NOC3L: variants seen among roughly 807,000 people sequenced by gnomAD.
NOC3L encodes the protein NOC3 like DNA replication regulator, also known as nucleolar complex protein 3 homolog.
In NOC3L, 85 loss-of-function variants were observed where a neutral mutation model predicts 102.5. The observed-to-expected ratio is 0.83, with a 90% confidence interval of 0.70 to 0.99. The LOEUF is 0.99. Among genes scored for constraint, NOC3L ranks in the 50% least tolerant of loss-of-function variants. NOC3L has a pLI of 0.00. For missense variants in NOC3L, 878 were observed against 914.9 expected (o/e 0.96, Z 0.52); for synonymous variants, 303 against 309.4 (o/e 0.98, Z 0.22).
chr10:94,339,968 T>C, intron 16 of NOC3L, 48 bp from the exon 17 acceptor site: 1 of 1,505,372 alleles, frequency 6.6e-7, no homozygotes, highest in Non-Finnish European at 9.1e-7. Flanking sequence ...TACTTTTTCA[T>C]TACGCAACTG....
the NOC3L span, chr10:94,316,785 G>GT: frequency 1.3e-6 from 2 of 1,501,330 alleles, no homozygotes; most frequent in Non-Finnish European, 1.9e-6. Flanking sequence ...AGCCTACACA[G>GT]TAACGACTCA....
Position 94,344,578 on chromosome 10 carries a change from A to C in NOC3L, c.1471-63T>G, listed in dbSNP as rs1012674622. On this transcript the variant is annotated intron_variant, in intron 12 of 20. Coordinates refer to ENST00000371361, the MANE Select transcript of NOC3L (RefSeq NM_022451.11). ...CTGGTATGCTTTCTCCTGAGTGAGC[A>C]TAAGTATCACTTCAACAGGTTAACT... The C allele has an allele frequency of 4.3e-6, 5 of 1,152,602 alleles. No individual in the cohort carries two copies. The South Asian group carries it at 6.6e-5, about 15-fold the overall frequency. 71.4% of individuals were successfully genotyped at this position (1,152,602 alleles called of 1,614,324 possible). A position where few individuals can be genotyped will look rare whatever the true frequency, so the allele number is the denominator to read the frequency against.
intron 14 of NOC3L, 147 bp downstream of exon 14, chr10:94,341,524 CAT>C (rs1393928001): frequency 2.6e-6 from 1 of 391,508 alleles, no homozygotes. Flanking sequence ...TGGTGGTAAT[CAT>C]ATGATCATAG....
At chr10:94,336,136 T>TA (rs2054214845) in intron 19 of NOC3L, among the ~76,000 whole-genome samples, 1 of 152,176 alleles carries the variant, frequency 6.6e-6, no homozygotes, top group African/African-American at 2.4e-5. Context: ...ATAAATGGGT[T>TA]AAAGTCTTTA....
At chr10:94,328,211 T>C in the NOC3L span, 486 of 313,134 alleles carry the variant, frequency 1.6e-3, 5 homozygotes, top group South Asian at 0.011. Flanking sequence ...CGAATTGACT[T>C]AGAGCAAGGG....
At chr10:94,344,336 C>G (rs971967723) in intron 13 of NOC3L, 79 bp downstream of exon 13, 2 of 826,354 alleles carry the variant, frequency 2.4e-6, no homozygotes, top group Non-Finnish European at 4.0e-6. Context: ...AATGGGCCAT[C>G]ATTAGGGAAC....
chr10:94,316,575 C>A, the NOC3L span: 1 of 1,608,634 alleles, frequency 6.2e-7, no homozygotes, highest in East Asian at 2.2e-5. Context: ...GACATCAAAC[C>A]TGTTACCACA....
At chr10:94,319,048 T>C in the NOC3L span, among the ~76,000 whole-genome samples, 1 of 151,776 alleles carries the variant, frequency 6.6e-6, no homozygotes, top group African/African-American at 2.4e-5. Context: ...ACTTCATCTT[T>C]AAAAACAAAA....
the NOC3L span, chr10:94,315,336 T>C: frequency 2.2e-6 from 1 of 451,494 alleles, no homozygotes; most frequent in African/African-American, 2.0e-5. Flanking sequence ...GAAGGGTGTT[T>C]GCTTAATCCA....
Position 94,362,825 on chromosome 10 carries a change from C to T in NOC3L, c.9+5G>A. 2 of 1,614,110 alleles carry T rather than the reference C, an allele frequency of 1.2e-6. No individual in the cohort carries two copies. Among genetic ancestry groups the T allele is most frequent in the Non-Finnish European group, 1.7e-6 (2 of 1,180,038 alleles). ...CGCGGCGACCGGGCTTTTGAGGACA[C>T]TTACCGCCTTCATCCTTAGGCCTTA... On this transcript the variant is annotated splice_donor_5th_base_variant and intron_variant, in intron 1 of 20. Transcript: ENST00000371361.
Position 94,352,147 on chromosome 10 carries a change from G to A in NOC3L, c.952+163C>T, listed in dbSNP as rs565510841. 1.7e-4 allele frequency among the ~76,000 whole-genome samples: 26 copies of A among 152,252 alleles called. 1 individual carries two copies. The South Asian group carries it at 5.2e-3, about 30-fold the overall frequency. On this transcript the variant is annotated intron_variant, in intron 8 of 20. Transcript: ENST00000371361. ...GACTATGTAATTTTCCCATCACATA[G>A]GTAGTAAGTGGTGGAGCCAGGATTT...
Position 94,334,236 on chromosome 10 carries a change from C to A in NOC3L, c.2344G>T (p.Glu782Ter). The A allele has an allele frequency of 6.2e-7, 1 of 1,611,344 alleles. No homozygotes were observed. The highest frequency in any genetic ancestry group is 1.3e-5 in the African/African-American group (1 of 74,982). ...TCCAGAGGCGATTCAGTAGCAACTT[C>A]ACTGGAGTATCTTTTGATTAGCTGA... ...LNQLIKRYSSEVATESPLDFT... is the reference protein window; with the variant it reads ...LNQLIKRYSS Residue 782 changes from glutamate (E) to a stop codon, truncating the protein, a stop_gained, in exon 21 of 21, where the codon GAA (glutamate) becomes TAA (stop). Transcript: ENST00000371361. LOFTEE classifies it low-confidence loss of function (END_TRUNC).
the NOC3L span, among the ~76,000 whole-genome samples, chr10:94,317,819 C>G: frequency 6.6e-6 from 1 of 151,964 alleles, no homozygotes; most frequent in African/African-American, 2.4e-5. Flanking sequence ...GACAGTCATG[C>G]GTCATGACAT....
intron 19 of NOC3L, 44 bp downstream of exon 19, chr10:94,337,733 A>G: frequency 2.3e-6 from 3 of 1,302,200 alleles, no homozygotes; most frequent in Non-Finnish European, 3.3e-6. Context: ...AGTGGCTATC[A>G]GCTCAATTCT....
chr10:94,338,753 TA>T lies in NOC3L; in HGVS notation c.1963-18del, dbSNP rs759352262. 6 of 1,605,824 alleles carry T rather than the reference TA, an allele frequency of 3.7e-6. No homozygotes were observed. Among genetic ancestry groups the T allele is most frequent in the Admixed American group, 1.7e-5 (1 of 58,606 alleles). On this transcript the variant is annotated intron_variant, in intron 17 of 20. Coordinates refer to ENST00000371361, the MANE Select transcript of NOC3L (RefSeq NM_022451.11). Reference sequence around the variant, plus strand: ...GGGGAAAGTCTGCAAAAATGTCACATAAAAAGAATTGGTTAAATTAACATTG... The same window carrying T: ...GGGGAAAGTCTGCAAAAATGTCACATAAAAGAATTGGTTAAATTAACATTG...
chr10:94,320,255 TC>T, the NOC3L span, among the ~76,000 whole-genome samples: 3 of 151,238 alleles, frequency 2.0e-5, no homozygotes, highest in South Asian at 2.1e-4. Context: ...GCTCATCTCT[TC>T]CCCCCCTTCC....
At chr10:94,331,928 G>C (rs921773468), downstream of NOC3L, 1 of 148,522 alleles carries the variant, frequency 6.7e-6, no homozygotes, top group Non-Finnish European at 1.5e-5. Flanking sequence ...CTGGAGTGCA[G>C]TGGTACGATC....
At chr10:94,356,118 G>A (rs1433528765) in intron 5 of NOC3L, among the ~76,000 whole-genome samples, 1 of 152,140 alleles carries the variant, frequency 6.6e-6, no homozygotes, top group Non-Finnish European at 1.5e-5. Context: ...AATAGAAACT[G>A]ACATTCAATT....
the NOC3L span, among the ~76,000 whole-genome samples, chr10:94,317,210 G>A: frequency 3.9e-5 from 6 of 152,120 alleles, no homozygotes; most frequent in South Asian, 2.1e-4. Flanking sequence ...AGCTGAGATC[G>A]TGCCATTGTG....
Sources: allele counts gnomAD v4.1 joint callset (sites outside exome capture counted in the v4.1 genomes callset), GRCh38; gene constraint gnomAD v4.1.1; transcripts MANE v1.5; gene names NCBI Gene and HGNC (gene_info 2026-07-23, HGNC 2026-07-21).